EPHA6: variants seen among roughly 807,000 people sequenced by gnomAD.
The protein encoded by EPHA6 is ephrin type-A receptor 6.
In EPHA6, 50 loss-of-function variants were observed where a neutral mutation model predicts 112.0. The observed-to-expected ratio is 0.45, with a 90% confidence interval of 0.36 to 0.56. The LOEUF (loss-of-function observed/expected upper bound fraction) is 0.56. EPHA6 is among the 20% of genes least tolerant of loss of function. The pLI, the probability that EPHA6 is intolerant of heterozygous loss-of-function variation, is 0.00. For synonymous variants in EPHA6, 529 were observed against 490.7 expected (o/e 1.08, Z -1.03); for missense variants, 1,280 against 1,417.4 (o/e 0.90, Z 1.56).
At chr3:97,454,809 A>T (rs946134119) in intron 7 of EPHA6, among the ~76,000 whole-genome samples, 3 of 151,916 alleles carry the variant, frequency 2.0e-5, no homozygotes, top group African/African-American at 7.2e-5. Context: ...TATTAACACC[A>T]GCTAGAAATT....
intron 13 of EPHA6, among the ~76,000 whole-genome samples, chr3:97,617,485 A>C (rs2093776707): frequency 6.6e-6 from 1 of 152,186 alleles, no homozygotes; most frequent in Admixed American, 6.5e-5. Flanking sequence ...AAAAATGGCA[A>C]GCTGGATAAA....
chr3:97,053,540 GA>G (rs1285995457), intron 3 of EPHA6, among the ~76,000 whole-genome samples: 2 of 152,056 alleles, frequency 1.3e-5, no homozygotes, highest in African/African-American at 4.8e-5. Flanking sequence ...AAACTATAGA[GA>G]GTAAGGTCCT....
intron 5 of EPHA6, among the ~76,000 whole-genome samples, chr3:97,303,849 C>T (rs1342796463): frequency 2.0e-5 from 3 of 151,860 alleles, no homozygotes; most frequent in Non-Finnish European, 4.4e-5. Context: ...ACCACTTTTA[C>T]GATATTGATT....
At chr3:97,075,816 A>C (rs1387187257) in intron 3 of EPHA6, among the ~76,000 whole-genome samples, 1 of 151,932 alleles carries the variant, frequency 6.6e-6, no homozygotes, top group East Asian at 1.9e-4. Context: ...GTAGTGTTTA[A>C]AAAATTTTAT....
At chr3:97,660,551 A>G (rs2094162972) in intron 14 of EPHA6, among the ~76,000 whole-genome samples, 1 of 152,118 alleles carries the variant, frequency 6.6e-6, no homozygotes, top group Admixed American at 6.6e-5. Context: ...ACAAACAAGA[A>G]TGGAATACAA....
chr3:97,565,543 A>G (rs1315251573), intron 11 of EPHA6, among the ~76,000 whole-genome samples: 7 of 152,206 alleles, frequency 4.6e-5, no homozygotes, highest in African/African-American at 1.7e-4. Flanking sequence ...ATACAAATAT[A>G]TATTTTCTCA....
intron 12 of EPHA6, among the ~76,000 whole-genome samples, chr3:97,607,895 G>T (rs985025506): frequency 2.6e-5 from 4 of 151,064 alleles, no homozygotes; most frequent in African/African-American, 9.7e-5. Context: ...AAACACTGTT[G>T]CCAATAGACT....
At chr3:97,133,313 G>A (rs912050891) in intron 3 of EPHA6, among the ~76,000 whole-genome samples, 1 of 151,980 alleles carries the variant, frequency 6.6e-6, no homozygotes, top group Admixed American at 6.6e-5. Context: ...AAGCAACAAG[G>A]TTTTTTAAGA....
intron 6 of EPHA6, among the ~76,000 whole-genome samples, chr3:97,445,689 C>G (rs971174209): frequency 6.7e-6 from 1 of 148,894 alleles, no homozygotes; most frequent in Non-Finnish European, 1.5e-5. Flanking sequence ...GAACAGATAT[C>G]AAATGTAATA....
At chr3:97,137,478 G>A (rs574016684) in intron 3 of EPHA6, among the ~76,000 whole-genome samples, 1 of 152,192 alleles carries the variant, frequency 6.6e-6, no homozygotes, top group Admixed American at 6.5e-5. Context: ...TCATAATTGA[G>A]CCTACAAAAC....
intron 5 of EPHA6, among the ~76,000 whole-genome samples, chr3:97,245,144 G>A (rs898975334): frequency 1.3e-5 from 2 of 151,932 alleles, no homozygotes; most frequent in African/African-American, 4.8e-5. Context: ...GTTTGCTAAG[G>A]CAGCCATAAC....
intron 3 of EPHA6, among the ~76,000 whole-genome samples, chr3:97,139,646 C>A (rs2075849147): frequency 6.6e-6 from 1 of 152,138 alleles, no homozygotes; most frequent in African/African-American, 2.4e-5. Context: ...AGGACCCTAC[C>A]CAACATGTGC....
chr3:97,245,872 A>G (rs1054090905), intron 5 of EPHA6, among the ~76,000 whole-genome samples: 5 of 151,908 alleles, frequency 3.3e-5, no homozygotes, highest in Admixed American at 6.6e-5. Flanking sequence ...CAAGCCCTGT[A>G]GATTGGACCA....
At chr3:97,138,320 G>T (rs1391219255) in intron 3 of EPHA6, among the ~76,000 whole-genome samples, 1 of 152,166 alleles carries the variant, frequency 6.6e-6, no homozygotes, top group Non-Finnish European at 1.5e-5. Flanking sequence ...CCAAGGCTCT[G>T]CATCCTGCCC....
intron 3 of EPHA6, among the ~76,000 whole-genome samples, chr3:97,130,060 C>A (rs1281814537): frequency 6.6e-6 from 1 of 151,872 alleles, no homozygotes; most frequent in African/African-American, 2.4e-5. Flanking sequence ...CAAGGTCTCT[C>A]ATATGATCAA....
At chr3:97,332,390 G>T (rs1577001410) in intron 5 of EPHA6, among the ~76,000 whole-genome samples, 1 of 151,952 alleles carries the variant, frequency 6.6e-6, no homozygotes, top group African/African-American at 2.4e-5. Context: ...TCAACATAGT[G>T]TTGGAAGTTC....
intron 3 of EPHA6, among the ~76,000 whole-genome samples, chr3:97,197,906 G>A (rs2108491751): frequency 6.6e-6 from 1 of 152,060 alleles, no homozygotes; most frequent in Middle Eastern, 3.4e-3. Flanking sequence ...CTTCTTCTGT[G>A]GGCACCAGCT....
chr3:97,314,241 T>C (rs549885618), intron 5 of EPHA6, among the ~76,000 whole-genome samples: 7 of 151,684 alleles, frequency 4.6e-5, no homozygotes, highest in African/African-American at 9.7e-5. Context: ...CAGTGTATCA[T>C]TTTTATGCCA....
chr3:97,055,014 C>CGTAGTAGTGGAAT (rs2045808360), intron 3 of EPHA6, among the ~76,000 whole-genome samples: 2 of 151,754 alleles, frequency 1.3e-5, no homozygotes, highest in Admixed American at 1.3e-4. Context: ...ACTCCTGATT[C>CGTAGTAGTGGAAT]GTAGTAGTGG....
Sources: allele counts gnomAD v4.1 joint callset (sites outside exome capture counted in the v4.1 genomes callset), GRCh38; gene constraint gnomAD v4.1.1; transcripts MANE v1.5; gene names NCBI Gene and HGNC (gene_info 2026-07-23, HGNC 2026-07-21).